The following AGBL1 variants were observed in gnomAD, a reference collection of about 807,000 sequenced individuals.
The protein encoded by AGBL1 is AGBL carboxypeptidase 1.
AGBL1 carries 130 observed loss-of-function variants against 118.9 expected under a neutral mutation model. The ratio of observed to expected loss-of-function variants is 1.09; its 90% CI spans 0.95 to 1.26. The LOEUF is 1.26. Ranked by LOEUF, AGBL1 falls within the 50% of genes most tolerant of loss-of-function variation. The pLI, the probability that AGBL1 is intolerant of heterozygous loss-of-function variation, is 0.00. For missense variants in AGBL1, 1,584 were observed against 1,298.1 expected (o/e 1.22, Z -3.38); for synonymous variants, 555 against 478.9 (o/e 1.16, Z -2.08).
At chr15:86,462,574 A>T (rs1770167062) in intron 18 of AGBL1, among the ~76,000 whole-genome samples, 1 of 151,904 alleles carries the variant, frequency 6.6e-6, no homozygotes, top group African/African-American at 2.4e-5. Flanking sequence ...TCCTAATACT[A>T]TCCCTCCCCT....
At chr15:86,827,015 T>A (rs1222983524) in intron 22 of AGBL1, among the ~76,000 whole-genome samples, 1 of 151,716 alleles carries the variant, frequency 6.6e-6, no homozygotes, top group African/African-American at 2.4e-5. Flanking sequence ...GGCAAAGGTC[T>A]ACCCCATAAG....
At chr15:86,801,484 G>T (rs904389603) in intron 22 of AGBL1, among the ~76,000 whole-genome samples, 2 of 151,962 alleles carry the variant, frequency 1.3e-5, no homozygotes, top group Admixed American at 6.6e-5. Flanking sequence ...CATGGACCCT[G>T]GTTCTCACTC....
At chr15:86,473,516 T>C (rs1329438973) in intron 18 of AGBL1, among the ~76,000 whole-genome samples, 1 of 152,218 alleles carries the variant, frequency 6.6e-6, no homozygotes, top group Non-Finnish European at 1.5e-5. Context: ...AGTTTCATCA[T>C]TTTCTATGTG....
chr15:87,022,454 T>TTA (rs1024788830), intron 24 of AGBL1, among the ~76,000 whole-genome samples: 17 of 152,076 alleles, frequency 1.1e-4, no homozygotes, highest in African/African-American at 3.6e-4. Flanking sequence ...AAGTCTGAGA[T>TTA]TATATTAAAT....
intron 5 of AGBL1, among the ~76,000 whole-genome samples, chr15:86,215,434 C>T (rs1301991304): frequency 1.3e-5 from 2 of 152,076 alleles, no homozygotes; most frequent in South Asian, 2.1e-4. Flanking sequence ...TGCAACAACC[C>T]CTTGTCCCAC....
chr15:86,466,732 G>C (rs958881002), intron 18 of AGBL1, among the ~76,000 whole-genome samples: 2 of 152,142 alleles, frequency 1.3e-5, no homozygotes, highest in Non-Finnish European at 2.9e-5. Flanking sequence ...TTGTTAGTTT[G>C]TATTCTAACA....
At position 86,806,672 on chromosome 15, in the gene AGBL1, G is replaced by A. The variant is rs543382103; in HGVS notation, c.3159-100415G>A. 1.1e-3 allele frequency among the ~76,000 whole-genome samples: 167 copies of A among 152,134 alleles called. 1 individual carries two copies. Among genetic ancestry groups the A allele is most frequent in the Middle Eastern group, 3.4e-3 (1 of 294 alleles). ...TAATACTATCTCAGAGGGTTGTTAT[G>A]AAGGTAAATTGAATTAATTTATGTA... On this transcript the variant is annotated intron_variant, in intron 22 of 22. Transcript: ENST00000614907.
At chr15:86,860,696 C>T (rs1175890111) in intron 22 of AGBL1, among the ~76,000 whole-genome samples, 5 of 147,506 alleles carry the variant, frequency 3.4e-5, no homozygotes, top group African/African-American at 1.2e-4. Context: ...AGTGATCCTT[C>T]CTTTCCTCTG....
intron 22 of AGBL1, among the ~76,000 whole-genome samples, chr15:86,855,268 G>T (rs1439739423): frequency 6.6e-6 from 1 of 152,188 alleles, no homozygotes; most frequent in African/African-American, 2.4e-5. Context: ...ACAGGGGGAG[G>T]GGGTAGACAC....
chr15:86,178,817 A>C (rs896965706), intron 5 of AGBL1, among the ~76,000 whole-genome samples: 11 of 152,328 alleles, frequency 7.2e-5, no homozygotes, highest in Middle Eastern at 3.4e-3. Flanking sequence ...TCTTTTTTAA[A>C]ATATTCATAC....
intron 22 of AGBL1, among the ~76,000 whole-genome samples, chr15:86,745,010 G>C (rs1486952733): frequency 6.6e-6 from 1 of 152,048 alleles, no homozygotes; most frequent in Non-Finnish European, 1.5e-5. Flanking sequence ...GAAGAGTTTG[G>C]GACCAGGTGG....
intron 17 of AGBL1, among the ~76,000 whole-genome samples, chr15:86,326,013 G>C (rs1298275467): frequency 6.6e-6 from 1 of 152,104 alleles, no homozygotes; most frequent in Non-Finnish European, 1.5e-5. Context: ...GATCATGTAA[G>C]TCTTTAATAG....
At chr15:86,596,719 C>T (rs2084411823) in intron 21 of AGBL1, among the ~76,000 whole-genome samples, 1 of 152,148 alleles carries the variant, frequency 6.6e-6, no homozygotes, top group Non-Finnish European at 1.5e-5. Context: ...CTTACCTTCA[C>T]CTTCAGAGTT....
chr15:86,943,978 G>A (rs1028831313), intron 23 of AGBL1, among the ~76,000 whole-genome samples: 5 of 152,192 alleles, frequency 3.3e-5, no homozygotes, highest in Non-Finnish European at 7.4e-5. Flanking sequence ...TTTGGACCAC[G>A]AACTTTCTCT....
At chr15:86,811,003 T>C (rs953064408) in intron 22 of AGBL1, among the ~76,000 whole-genome samples, 1 of 152,108 alleles carries the variant, frequency 6.6e-6, no homozygotes, top group African/African-American at 2.4e-5. Context: ...CTCAAGAGAT[T>C]GGTTATTGTT....
At chr15:86,985,645 T>A (rs2081273717) in intron 23 of AGBL1, among the ~76,000 whole-genome samples, 1 of 151,990 alleles carries the variant, frequency 6.6e-6, no homozygotes, top group African/African-American at 2.4e-5. Context: ...ATCAGATTTG[T>A]GTTGTGTCAA....
chr15:86,691,754 A>C (rs927056216), intron 22 of AGBL1, among the ~76,000 whole-genome samples: 1 of 152,148 alleles, frequency 6.6e-6, no homozygotes, highest in African/African-American at 2.4e-5. Context: ...TGAGGCTGTT[A>C]TAAAAAAATA....
At chr15:86,661,559 C>T (rs746101571) in intron 21 of AGBL1, among the ~76,000 whole-genome samples, 1 of 151,968 alleles carries the variant, frequency 6.6e-6, no homozygotes, top group East Asian at 1.9e-4. Flanking sequence ...TATGAGAACC[C>T]TGTAATTCTT....
intron 21 of AGBL1, among the ~76,000 whole-genome samples, chr15:86,645,498 A>T (rs1051820520): frequency 7.2e-5 from 11 of 152,198 alleles, no homozygotes; most frequent in Admixed American, 6.5e-4. Flanking sequence ...CATATGTAGA[A>T]ACTGAGGCTC....
Sources: gnomAD v4.1 joint callset for allele counts (sites outside exome capture counted in the v4.1 genomes callset) on GRCh38, gnomAD v4.1.1 for gene constraint, MANE v1.5 for transcripts, NCBI Gene and HGNC (gene_info 2026-07-23, HGNC 2026-07-21) for gene names.